IL1RAPL1: variants seen among roughly 807,000 people sequenced by gnomAD.
IL1RAPL1 encodes the protein interleukin-1 receptor accessory protein-like 1.
IL1RAPL1 carries 3 observed loss-of-function variants against 48.4 expected under a neutral mutation model. That is an observed-to-expected ratio of 0.06 (90% CI 0.03 to 0.16). IL1RAPL1 has a LOEUF of 0.16. Ranked by LOEUF, IL1RAPL1 falls within the 10% of genes least tolerant of loss-of-function variation. IL1RAPL1 has a pLI of 1.00. For missense variants in IL1RAPL1, 349 were observed against 530.6 expected (o/e 0.66, Z 3.36); for synonymous variants, 185 against 187.7 (o/e 0.99, Z 0.12).
chrX:28,792,772 A>C lies in IL1RAPL1; in HGVS notation c.82+3347A>C, dbSNP rs753219890. Among the ~76,000 whole-genome samples the C allele has an allele frequency of 3.1e-3, 222 of 72,333 alleles. 1 individual carries two copies. The highest frequency in any genetic ancestry group is 0.011 in the African/African-American group (210 of 19,033). The allele number at this position is 72,333 out of a possible 115,157, so 62.8% of individuals were successfully genotyped here. ...CACTGCACTCCAGCCTGGGCGACAGAGCAAGACTCCATCTCAAAAAAAAAA... is the reference window on the plus strand; with the variant it reads ...CACTGCACTCCAGCCTGGGCGACAGCGCAAGACTCCATCTCAAAAAAAAAA... On this transcript the variant is annotated intron_variant, in intron 2 of 10. Coordinates refer to ENST00000378993, the MANE Select transcript of IL1RAPL1 (RefSeq NM_014271.4).
chrX:29,912,834 TATTACTTTC>T (rs1211618282), intron 6 of IL1RAPL1, among the ~76,000 whole-genome samples: 1 of 112,162 alleles, frequency 8.9e-6, no homozygotes, highest in East Asian at 2.8e-4. Context: ...TCCCATCATT[TATTACTTTC>T]ATAACTACTA....
chrX:29,701,849 A>G (rs975231871), intron 6 of IL1RAPL1, among the ~76,000 whole-genome samples: 4 of 111,754 alleles, frequency 3.6e-5, no homozygotes, highest in South Asian at 7.6e-4. Flanking sequence ...AAAGGGCCAC[A>G]AAATGATATC....
intron 5 of IL1RAPL1, among the ~76,000 whole-genome samples, chrX:29,510,821 C>T (rs1280013897): frequency 8.9e-6 from 1 of 111,850 alleles, no homozygotes; most frequent in African/African-American, 3.2e-5. Context: ...CACCTCTGCT[C>T]ACATTGTGGG....
intron 2 of IL1RAPL1, among the ~76,000 whole-genome samples, chrX:29,067,140 C>T (rs1250311252): frequency 9.0e-6 from 1 of 111,270 alleles, no homozygotes; most frequent in African/African-American, 3.3e-5. Flanking sequence ...ATTGTTGTTT[C>T]CTTGGGAGTT....
intron 1 of IL1RAPL1, among the ~76,000 whole-genome samples, chrX:28,660,398 T>A (rs1007430120): frequency 1.1e-4 from 12 of 110,834 alleles, no homozygotes; most frequent in African/African-American, 2.9e-4. Flanking sequence ...AATATGTAGA[T>A]ATTTATTCAC....
chrX:29,173,890 A>G (rs1197332131), intron 2 of IL1RAPL1, among the ~76,000 whole-genome samples: 3 of 111,271 alleles, frequency 2.7e-5, no homozygotes, highest in Non-Finnish European at 5.7e-5. Flanking sequence ...CAACATAAGC[A>G]TATGGATTTA....
rs1569173823 is a variant in IL1RAPL1 at position 29,803,196 on chromosome X, CATATACACACATGTATAT to C, written c.779-114265_779-114248del. 2.7e-3 allele frequency among the ~76,000 whole-genome samples: 68 copies of C among 25,593 alleles called. 1 individual carries two copies. The highest frequency in any genetic ancestry group is 5.3e-3 in the East Asian group (3 of 561). 22.2% of individuals were successfully genotyped at this position (25,593 alleles called of 115,157 possible). A position where few individuals can be genotyped will look rare whatever the true frequency, so the allele number is the denominator to read the frequency against. On this transcript the variant is annotated intron_variant, in intron 6 of 10. Transcript: ENST00000378993. ...GCATACATATATGTATATATGTATA[CATATACACACATGTATAT>C]ATGTATACATATACACACATGTATA...
chrX:29,899,624 G>A (rs12834808), intron 6 of IL1RAPL1, among the ~76,000 whole-genome samples: 9,134 of 107,096 alleles, frequency 0.085, 553 homozygotes, highest in African/African-American at 0.19. Context: ...GCTCACTGCA[G>A]CCTCCCCCTC....
At chrX:28,848,444 G>GTTT (rs11366471) in intron 2 of IL1RAPL1, among the ~76,000 whole-genome samples, 70 of 106,719 alleles carry the variant, frequency 6.6e-4, no homozygotes, top group Non-Finnish European at 9.3e-4. Context: ...TACTTGTAGG[G>GTTT]TTTTTTTTTT....
chrX:28,870,082 C>T (rs1266845979), intron 2 of IL1RAPL1, among the ~76,000 whole-genome samples: 3 of 111,468 alleles, frequency 2.7e-5, no homozygotes, highest in African/African-American at 6.5e-5. Flanking sequence ...TGTGGGTATA[C>T]CATGTTTTAT....
chrX:29,045,929 T>C (rs1926950288), intron 2 of IL1RAPL1, among the ~76,000 whole-genome samples: 2 of 48,593 alleles, frequency 4.1e-5, no homozygotes, highest in African/African-American at 1.7e-4. Context: ...TTCCTCCTCC[T>C]CCTCCTCCTT....
At chrX:29,381,731 G>A (rs1258895510) in intron 3 of IL1RAPL1, among the ~76,000 whole-genome samples, 4 of 100,091 alleles carry the variant, frequency 4.0e-5, no homozygotes, top group Non-Finnish European at 6.0e-5. Flanking sequence ...TAGAAGGATC[G>A]CTTGAACCCA....
intron 2 of IL1RAPL1, among the ~76,000 whole-genome samples, chrX:28,937,972 A>T (rs1011511419): frequency 6.3e-5 from 7 of 111,319 alleles, no homozygotes; most frequent in Admixed American, 4.8e-4. Flanking sequence ...GACATGAAAG[A>T]TCTCTACAAT....
At chrX:29,173,442 G>A (rs1248754710) in intron 2 of IL1RAPL1, among the ~76,000 whole-genome samples, 2 of 111,748 alleles carry the variant, frequency 1.8e-5, no homozygotes, top group African/African-American at 6.5e-5. Context: ...TGGTTTACTA[G>A]TGTTCTGCAT....
At chrX:29,746,888 G>A (rs898210782) in intron 6 of IL1RAPL1, among the ~76,000 whole-genome samples, 4 of 112,417 alleles carry the variant, frequency 3.6e-5, no homozygotes, top group African/African-American at 9.7e-5. Context: ...AATTACAGGC[G>A]TGATCCGCTG....
intron 6 of IL1RAPL1, among the ~76,000 whole-genome samples, chrX:29,900,305 A>G (rs1030452164): frequency 1.6e-4 from 18 of 112,536 alleles, no homozygotes; most frequent in Admixed American, 3.8e-4. Context: ...ATATTTCATT[A>G]GCTTTGAAAA....
chrX:28,600,551 G>A (rs1340797204), intron 1 of IL1RAPL1, among the ~76,000 whole-genome samples: 2 of 110,043 alleles, frequency 1.8e-5, no homozygotes, highest in Non-Finnish European at 3.8e-5. Flanking sequence ...AGTAGAGTGG[G>A]GCCAAGTTTT....
chrX:29,539,620 C>G (rs1196935371), intron 5 of IL1RAPL1, among the ~76,000 whole-genome samples: 1 of 110,788 alleles, frequency 9.0e-6, no homozygotes. Flanking sequence ...ACCGTCCCCC[C>G]TTAGGACTGT....
chrX:29,647,363 A>T (rs1251653475), intron 5 of IL1RAPL1, among the ~76,000 whole-genome samples: 2 of 110,013 alleles, frequency 1.8e-5, no homozygotes, highest in East Asian at 2.8e-4. Context: ...AAAAAAAAAA[A>T]AAATACTCTA....
Sources: gnomAD v4.1 joint callset for allele counts (sites outside exome capture counted in the v4.1 genomes callset) on GRCh38, gnomAD v4.1.1 for gene constraint, MANE v1.5 for transcripts, NCBI Gene and HGNC (gene_info 2026-07-23, HGNC 2026-07-21) for gene names.